TANGO6: variants seen among roughly 807,000 people sequenced by gnomAD.
TANGO6 encodes transport and golgi organization 6 homolog.
TANGO6 carries 90 observed loss-of-function variants against 114.2 expected under a neutral mutation model. The observed-to-expected ratio is 0.79, with a 90% CI of 0.66 to 0.94. The LOEUF is 0.94. Among genes scored for constraint, TANGO6 ranks in the 40% least tolerant of loss-of-function variants. The probability of loss-of-function intolerance (pLI) is 0.00; values close to 1 mark genes in which losing one functional copy is unlikely to be tolerated. For missense variants in TANGO6, 1,274 were observed against 1,315.3 expected (o/e 0.97, Z 0.49); for synonymous variants, 477 against 509.8 (o/e 0.94, Z 0.87).
At chr16:68,995,871 C>A (rs776625934) in intron 15 of TANGO6, among the ~76,000 whole-genome samples, 14 of 152,138 alleles carry the variant, frequency 9.2e-5, no homozygotes, top group Admixed American at 2.0e-4. Flanking sequence ...AAGGGATGAG[C>A]CCCTTCTAAA....
chr16:68,961,939 G>C (rs766972810), intron 14 of TANGO6, among the ~76,000 whole-genome samples: 1 of 152,086 alleles, frequency 6.6e-6, no homozygotes, highest in Admixed American at 6.6e-5. Context: ...AGGATGCTTC[G>C]GTAGCTCTTT....
intron 17 of TANGO6, among the ~76,000 whole-genome samples, chr16:69,076,609 C>T (rs906859532): frequency 6.6e-6 from 1 of 152,138 alleles, no homozygotes; most frequent in Non-Finnish European, 1.5e-5. Context: ...TTTCTGTGTT[C>T]GAAGCAACGC....
In TANGO6 at chr16:68,863,046, G is replaced by C; in HGVS notation, c.837G>C (p.Gln279His). The C allele has an allele frequency of 6.3e-7, 1 of 1,576,188 alleles. No individual in the cohort carries two copies. The highest frequency in any genetic ancestry group is 1.2e-5 in the South Asian group (1 of 85,062). The change falls in exon 3 of 18, where the codon CAG becomes CAC. Residue 279 changes from glutamine (Q) to histidine (H), a missense_variant. Gln to His is a conservative substitution (Grantham distance 24). This residue lies in a region of TANGO6 where 908 missense variants were observed against 910.2 expected (regional missense o/e 1.00). Transcript: ENST00000261778. ...PLAVRELLIL[Q>H]GGPPQSCTDV... ...CAGTCCGGGAACTGCTTATCCTCCA[G>C]GGAGGACCACCCCAGGTACTCAGGC...
rs142443619 is a variant in TANGO6, at chr16:68,990,536, G to T, written c.2842+16368G>T. ...GGAGCTACAACTCAAGATGAGATTT[G>T]GTTGGGGACACAGCCAAACCATATT... On this transcript the variant is annotated intron_variant, in intron 15 of 17. Transcript: ENST00000261778. Among the ~76,000 whole-genome samples the T allele has an allele frequency of 8.5e-3, 1,290 of 152,254 alleles. 22 individuals carry two copies. The highest frequency in any genetic ancestry group is 0.029 in the African/African-American group (1,191 of 41,542).
At chr16:68,946,605 C>A (rs2152203799) in intron 14 of TANGO6, among the ~76,000 whole-genome samples, 1 of 152,222 alleles carries the variant, frequency 6.6e-6, no homozygotes, top group East Asian at 1.9e-4. Context: ...CCTTGGCCTC[C>A]CACCTCAGCC....
chr16:68,942,366 T>G (rs1963363269), intron 14 of TANGO6, among the ~76,000 whole-genome samples: 2 of 152,108 alleles, frequency 1.3e-5, no homozygotes, highest in African/African-American at 4.8e-5. Flanking sequence ...TTAATCCTTT[T>G]AAAGCTCAGT....
At chr16:68,992,983 C>T (rs1214438257) in intron 15 of TANGO6, among the ~76,000 whole-genome samples, 1 of 152,022 alleles carries the variant, frequency 6.6e-6, no homozygotes, top group East Asian at 1.9e-4. Context: ...GCAGGAGAAT[C>T]GCTTGAATCC....
At chr16:69,009,563 A>G (rs574229458) in intron 15 of TANGO6, among the ~76,000 whole-genome samples, 19 of 152,258 alleles carry the variant, frequency 1.2e-4, no homozygotes, top group African/African-American at 4.3e-4. Flanking sequence ...CAGGTCACCA[A>G]TTTCTGCAAC....
intron 10 of TANGO6, among the ~76,000 whole-genome samples, chr16:68,908,520 C>T (rs1407742221): frequency 6.6e-6 from 1 of 150,800 alleles, no homozygotes; most frequent in Admixed American, 6.6e-5. Flanking sequence ...ACCAAAAATA[C>T]AAAAAAAAAA....
chr16:69,043,283 A>AGTGTGTGT (rs57443398), intron 17 of TANGO6, among the ~76,000 whole-genome samples: 109 of 146,750 alleles, frequency 7.4e-4, no homozygotes, highest in African/African-American at 9.6e-4. Flanking sequence ...AGACAGAGCG[A>AGTGTGTGT]GTGTGTGTGT....
At chr16:68,924,827 T>C (rs567278187) in intron 12 of TANGO6, among the ~76,000 whole-genome samples, 1 of 151,082 alleles carries the variant, frequency 6.6e-6, no homozygotes, top group Non-Finnish European at 1.5e-5. Flanking sequence ...CTCACATAGC[T>C]GCTGCCACCC....
At chr16:69,074,876 C>T (rs1960350783) in intron 17 of TANGO6, among the ~76,000 whole-genome samples, 1 of 150,808 alleles carries the variant, frequency 6.6e-6, no homozygotes, top group Admixed American at 6.7e-5. Context: ...GAGGCAGAAT[C>T]TCGCCCTATT....
intron 14 of TANGO6, chr16:68,973,055 G>T: frequency 2.2e-6 from 1 of 450,590 alleles, no homozygotes; most frequent in South Asian, 1.6e-5. Context: ...CAGGGAAGAA[G>T]GGAAACCACT....
intron 17 of TANGO6, among the ~76,000 whole-genome samples, chr16:69,047,792 T>C (rs1028916484): frequency 3.5e-4 from 54 of 152,204 alleles, no homozygotes; most frequent in Non-Finnish European, 1.5e-5. Context: ...CATGGATTTA[T>C]AGTGGCTAAT....
chr16:69,045,808 G>A (rs1035643317), intron 17 of TANGO6, among the ~76,000 whole-genome samples: 2 of 151,598 alleles, frequency 1.3e-5, no homozygotes, highest in African/African-American at 2.4e-5. Flanking sequence ...GCTCATGCTT[G>A]TAATCCCAGC....
intron 17 of TANGO6, among the ~76,000 whole-genome samples, chr16:69,042,733 T>C (rs75552032): frequency 2.6e-5 from 4 of 152,170 alleles, no homozygotes; most frequent in African/African-American, 4.8e-5. Context: ...ATTGCTCTTA[T>C]TGAGAATCCA....
chr16:68,880,072 A>C (rs1268452767), intron 6 of TANGO6, among the ~76,000 whole-genome samples: 3 of 151,954 alleles, frequency 2.0e-5, no homozygotes, highest in African/African-American at 4.8e-5. Context: ...TCCCGGGTTC[A>C]AGCGATTCTC....
intron 14 of TANGO6, among the ~76,000 whole-genome samples, chr16:68,971,443 T>A (rs923157305): frequency 9.2e-5 from 14 of 152,098 alleles, no homozygotes; most frequent in Admixed American, 2.0e-4. Context: ...CTAATTTTTT[T>A]AAAATTATTT....
chr16:69,022,123 T>C (rs1254252202), intron 15 of TANGO6, among the ~76,000 whole-genome samples: 1 of 151,916 alleles, frequency 6.6e-6, no homozygotes, highest in Non-Finnish European at 1.5e-5. Context: ...CCTGACCTCG[T>C]GATCCGCCCA....
Sources: allele counts gnomAD v4.1 joint callset (sites outside exome capture counted in the v4.1 genomes callset), GRCh38; gene constraint gnomAD v4.1.1; regional missense constraint gnomAD v4.1.1; transcripts MANE v1.5; gene names NCBI Gene and HGNC (gene_info 2026-07-23, HGNC 2026-07-21).